Variants in CASZ1 observed in about 807,000 individuals in gnomAD.
CASZ1 encodes castor zinc finger 1, also known as zinc finger protein castor homolog 1.
In CASZ1, 28 loss-of-function variants were observed where a neutral mutation model predicts 135.2. The observed-to-expected ratio is 0.21, with a 90% CI of 0.15 to 0.28. The LOEUF (loss-of-function observed/expected upper bound fraction) is 0.28. Among genes scored for constraint, CASZ1 ranks in the 10% least tolerant of loss-of-function variants. The pLI is 1.00. For missense variants in CASZ1, 2,161 were observed against 2,453.3 expected (o/e 0.88, Z 2.52); for synonymous variants, 1,068 against 1,073.4 (o/e 0.99, Z 0.10).
rs1640250957 is a variant in CASZ1 at position 10,756,128 on chromosome 1, G to A, written c.-77+4573C>T. On this transcript the variant is annotated intron_variant, in intron 2 of 20. Coordinates refer to ENST00000377022, the MANE Select transcript of CASZ1 (RefSeq NM_001079843.3). The surrounding 1 kb of genome is among the most constrained non-coding windows in gnomAD (Gnocchi z 5.9). ...CTGGCTGACACGCCCCTCGGAGCCAGGCAGAGGCACCAGCTGTAGGCCTGG... is the reference window on the plus strand; with the variant it reads ...CTGGCTGACACGCCCCTCGGAGCCAAGCAGAGGCACCAGCTGTAGGCCTGG... Among the ~76,000 whole-genome samples, 2 of 152,068 alleles carry A rather than the reference G, an allele frequency of 1.3e-5. No individual in the cohort carries two copies. The highest frequency in any genetic ancestry group is 2.9e-5 in the Non-Finnish European group (2 of 67,988).
intron 1 of CASZ1, 104 bp downstream of exon 1, chr1:10,796,460 G>A (rs1107018): frequency 0.63 from 95,981 of 151,808 alleles, 33,218 homozygotes; most frequent in Middle Eastern, 0.81. Context: ...CGGGGGTGGG[G>A]GGGGTGCACC....
At chr1:10,693,161 C>T (rs901636814) in intron 4 of CASZ1, among the ~76,000 whole-genome samples, 17 of 152,118 alleles carry the variant, frequency 1.1e-4, no homozygotes, top group African/African-American at 3.9e-4. Flanking sequence ...CAGATGCCTA[C>T]GTTGAGTAGT....
Position 10,679,198 on chromosome 1 carries a change from T to C in CASZ1, c.17-13627A>G, listed in dbSNP as rs284307. The stretch of plus-strand genomic sequence containing the variant: ...CTCCGCCAGGGCCTGCTGCTTTTGA[T>C]GAAAGCATAGGCTGATCCTGGGAGC... On this transcript the variant is annotated intron_variant, in intron 4 of 20. Transcript: ENST00000377022. The surrounding 1 kb of genome is among the most constrained non-coding windows in gnomAD (Gnocchi z 4.7). Among the ~76,000 whole-genome samples, 62,825 of 152,094 alleles carry C rather than the reference T, an allele frequency of 0.41. 13,915 individuals are homozygous for C. Among genetic ancestry groups the C allele is most frequent in the Middle Eastern group, 0.47 (138 of 294 alleles).
rs1203323057 is a variant in CASZ1 at position 10,653,620 on chromosome 1, G to T, written c.2437C>A (p.Leu813Met). 6.4e-7 allele frequency: 1 copy of T among 1,551,100 alleles called. No homozygotes were observed. The highest frequency in any genetic ancestry group is 1.2e-5 in the South Asian group (1 of 80,402). ...PILAGRGSTS[L>M]PVGTPSLLGA... ...AGGAGGCTGGGGGTGCCCACAGGCA[G>T]GGAGGTGCTCCCACGGCCAGCCAGT... Residue 813 changes from leucine (L) to methionine (M), a missense_variant, in exon 11 of 21, where the codon CTG (leucine) becomes ATG (methionine). This residue lies in a region of CASZ1 where 406 missense variants were observed against 387.6 expected (regional missense o/e 1.05). Transcript: ENST00000377022.
intron 2 of CASZ1, among the ~76,000 whole-genome samples, chr1:10,760,119 A>C (rs1228683858): frequency 1.3e-5 from 2 of 152,184 alleles, no homozygotes; most frequent in Non-Finnish European, 2.9e-5. Context: ...GTCAAAAGGC[A>C]CCTACAGCTT....
At position 10,646,430 on chromosome 1, in the gene CASZ1, T is replaced by C; in HGVS notation, c.3498-104A>G. On this transcript the variant is annotated intron_variant, in intron 16 of 20. Transcript: ENST00000377022. This position sits in a 1 kb window ranked among gnomAD's most constrained non-coding sequence, Gnocchi z 6.4. ...GAGTTCACTCCCCCACGACCAGCGG[T>C]ACCACCAAGAGGGATGGCCTGGGCT... 1.9e-6 allele frequency: 2 copies of C among 1,070,002 alleles called. No individual in the cohort carries two copies. Among genetic ancestry groups the C allele is most frequent in the Admixed American group, 4.0e-5 (2 of 49,568 alleles). 66.3% of individuals were successfully genotyped at this position (1,070,002 alleles called of 1,614,324 possible).
At chr1:10,705,793 A>C (rs1293937959) in intron 2 of CASZ1, among the ~76,000 whole-genome samples, 1 of 152,246 alleles carries the variant, frequency 6.6e-6, no homozygotes, top group Non-Finnish European at 1.5e-5. Flanking sequence ...CTGCAGGGGC[A>C]ATGTGGTCCT....
In CASZ1 at chr1:10,788,078, C is replaced by A. The variant is rs1350707757; in HGVS notation, c.-234+8486G>T. On this transcript the variant is annotated intron_variant, in intron 1 of 20. Coordinates refer to ENST00000377022, the MANE Select transcript of CASZ1 (RefSeq NM_001079843.3). This position sits in a 1 kb window ranked among gnomAD's most constrained non-coding sequence, Gnocchi z 4.1. ...ACCGTTGCTCAAACATCTTAGAATC[C>A]CAGAGAACGTTAGCTGGATACGGGG... Among the ~76,000 whole-genome samples, 1 of 152,138 alleles carries A rather than the reference C, an allele frequency of 6.6e-6. No homozygotes were observed.
chr1:10,666,457 C>T lies in CASZ1; in HGVS notation c.17-886G>A, dbSNP rs996618725. On this transcript the variant is annotated intron_variant, in intron 4 of 20. Coordinates refer to ENST00000377022, the MANE Select transcript of CASZ1 (RefSeq NM_001079843.3). The surrounding 1 kb of genome is among the most constrained non-coding windows in gnomAD (Gnocchi z 5.2). ...GTCCCTATCCTAGGACCTTGCTCCC[C>T]AGCCTCGGCCAGCCTCTGCAGCCCC... is the stretch of plus-strand genomic sequence containing the variant. 6.6e-6 allele frequency among the ~76,000 whole-genome samples: 1 copy of T among 152,190 alleles called. No homozygotes were observed. Among genetic ancestry groups the T allele is most frequent in the Non-Finnish European group, 1.5e-5 (1 of 68,026 alleles).
intron 4 of CASZ1, among the ~76,000 whole-genome samples, chr1:10,678,956 C>G (rs1056671668): frequency 6.6e-6 from 1 of 152,222 alleles, no homozygotes; most frequent in Non-Finnish European, 1.5e-5. Flanking sequence ...TCTGCAGAGC[C>G]AGCCTGGGCC....
chr1:10,786,065 C>A (rs1208124741), intron 1 of CASZ1, among the ~76,000 whole-genome samples: 1 of 152,254 alleles, frequency 6.6e-6, no homozygotes, highest in Non-Finnish European at 1.5e-5. Flanking sequence ...CAGCCTCCAT[C>A]TGCGAGGCGC....
chr1:10,751,343 T>TAGCCGACAGAGGGCAGAGA (rs1553139783), intron 2 of CASZ1, among the ~76,000 whole-genome samples: 1 of 151,702 alleles, frequency 6.6e-6, no homozygotes, highest in Non-Finnish European at 1.5e-5. Flanking sequence ...GACCTCAGAG[T>TAGCCGACAGAGGGCAGAGA]AGCCGACAGA....
rs903837652 is a variant in CASZ1 at position 10,637,958 on chromosome 1, G to A, written c.*984C>T. On this transcript the variant is annotated 3_prime_UTR_variant, in exon 21 of 21. Transcript: ENST00000377022. ...AATTCAAGTTAAGAGTTGGAATCAC[G>A]CAGCTCCCATCAGTGCTATTGTGAA... is the stretch of plus-strand genomic sequence containing the variant. 5.3e-5 allele frequency: 8 copies of A among 152,302 alleles called. No homozygotes were observed. The highest frequency in any genetic ancestry group is 1.7e-4 in the African/African-American group (7 of 41,406). 9.4% of individuals were successfully genotyped at this position (152,302 alleles called of 1,614,324 possible).
At chr1:10,728,761 G>T (rs999408433) in intron 2 of CASZ1, among the ~76,000 whole-genome samples, 1 of 152,038 alleles carries the variant, frequency 6.6e-6, no homozygotes, top group Non-Finnish European at 1.5e-5. Flanking sequence ...CACATGAGAG[G>T]GGGGACAGCT....
chr1:10,699,587 C>A lies in CASZ1; in HGVS notation c.-23-5675G>T, dbSNP rs1222864602. ...CCGGGAGCAGGTTTAATTTGCCAGGCAGCCAGGAGTGCCAGCAGGGGAGGC... is the reference window on the plus strand; with the variant it reads ...CCGGGAGCAGGTTTAATTTGCCAGGAAGCCAGGAGTGCCAGCAGGGGAGGC... On this transcript the variant is annotated intron_variant, in intron 3 of 20. Transcript: ENST00000377022. This position sits in a 1 kb window ranked among gnomAD's most constrained non-coding sequence, Gnocchi z 4.6. Among the ~76,000 whole-genome samples, 1 of 152,196 alleles carries A rather than the reference C, an allele frequency of 6.6e-6. No individual in the cohort carries two copies. The highest frequency in any genetic ancestry group is 2.4e-5 in the African/African-American group (1 of 41,448).
chr1:10,666,796 C>T lies in CASZ1; in HGVS notation c.17-1225G>A, dbSNP rs770162905. 2.2e-4 allele frequency among the ~76,000 whole-genome samples: 33 copies of T among 152,208 alleles called. No individual in the cohort carries two copies. The highest frequency in any genetic ancestry group is 5.3e-4 in the African/African-American group (22 of 41,460). ...GCTGGCGAGGGTGGACACACACACA[C>T]GCACACACACGCGTGCACACACAGC... On this transcript the variant is annotated intron_variant, in intron 4 of 20. Coordinates refer to ENST00000377022, the MANE Select transcript of CASZ1 (RefSeq NM_001079843.3). This position sits in a 1 kb window ranked among gnomAD's most constrained non-coding sequence, Gnocchi z 5.2.
chr1:10,702,157 T>G (rs1334604339), intron 3 of CASZ1, among the ~76,000 whole-genome samples: 1 of 152,210 alleles, frequency 6.6e-6, no homozygotes, highest in Non-Finnish European at 1.5e-5. Context: ...TCCGCTTCCT[T>G]GCCTGCTGGG....
chr1:10,766,192 C>T (rs1292441824), intron 1 of CASZ1, among the ~76,000 whole-genome samples: 1 of 151,460 alleles, frequency 6.6e-6, no homozygotes, highest in Non-Finnish European at 1.5e-5. Flanking sequence ...ACAAAACACA[C>T]GTTCAGCACG....
intron 13 of CASZ1, chr1:10,650,077 C>T (rs972459973): frequency 2.6e-5 from 4 of 152,480 alleles, no homozygotes; most frequent in African/African-American, 7.2e-5. Context: ...ACCGAGTGCC[C>T]GGCTGGGGCC....
Sources: allele counts gnomAD v4.1 joint callset (sites outside exome capture counted in the v4.1 genomes callset), GRCh38; gene constraint gnomAD v4.1.1; regional missense constraint gnomAD v4.1.1; non-coding constraint Gnocchi (gnomAD v3.1); transcripts MANE v1.5; gene names NCBI Gene and HGNC (gene_info 2026-07-23, HGNC 2026-07-21).